The following PRKD1 variants were observed in gnomAD, a reference collection of about 807,000 sequenced individuals.
PRKD1 encodes the protein serine/threonine-protein kinase D1.
PRKD1 carries 63 observed loss-of-function variants against 95.9 expected under a neutral mutation model. The observed-to-expected ratio is 0.66, with a 90% CI of 0.54 to 0.81. The LOEUF is 0.81. Ranked by LOEUF, PRKD1 falls within the 30% of genes least tolerant of loss-of-function variation. The probability of loss-of-function intolerance (pLI) is 0.00; values close to 1 mark genes in which losing one functional copy is unlikely to be tolerated. For missense variants in PRKD1, 1,048 were observed against 1,165.3 expected (o/e 0.90, Z 1.47); for synonymous variants, 425 against 423.1 (o/e 1.00, Z -0.05).
At chr14:29,693,803 C>G (rs1884371601) in intron 2 of PRKD1, among the ~76,000 whole-genome samples, 2 of 152,122 alleles carry the variant, frequency 1.3e-5, no homozygotes, top group African/African-American at 4.8e-5. Flanking sequence ...AACATTATCA[C>G]TCACAGACTG....
intron 2 of PRKD1, among the ~76,000 whole-genome samples, chr14:29,695,415 G>C (rs551892415): frequency 9.8e-4 from 149 of 152,284 alleles, no homozygotes; most frequent in Non-Finnish European, 1.8e-3. Context: ...AGTTGATGCT[G>C]ACTTGGACCA....
intron 1 of PRKD1, among the ~76,000 whole-genome samples, chr14:29,872,256 G>A (rs1566647649): frequency 6.6e-6 from 1 of 152,084 alleles, no homozygotes; most frequent in Non-Finnish European, 1.5e-5. Flanking sequence ...ATACAATTCA[G>A]AAAAAATTTA....
intron 4 of PRKD1, among the ~76,000 whole-genome samples, chr14:29,659,185 T>C (rs1882058258): frequency 6.6e-6 from 1 of 152,212 alleles, no homozygotes; most frequent in African/African-American, 2.4e-5. Context: ...ACCTTAGTTT[T>C]ATTTTTAAGT....
chr14:29,696,102 C>T (rs1884500821), intron 2 of PRKD1, among the ~76,000 whole-genome samples: 1 of 152,130 alleles, frequency 6.6e-6, no homozygotes, highest in Non-Finnish European at 1.5e-5. Flanking sequence ...TAAAGCATTG[C>T]ATTTTCAGCA....
chr14:29,728,922 C>G (rs1439623788), intron 1 of PRKD1, among the ~76,000 whole-genome samples: 2 of 152,028 alleles, frequency 1.3e-5, no homozygotes, highest in African/African-American at 4.8e-5. Flanking sequence ...GTAGTGAGAG[C>G]CTTCCAATGT....
chr14:29,679,056 A>G (rs1049926882), intron 2 of PRKD1, among the ~76,000 whole-genome samples: 5 of 152,244 alleles, frequency 3.3e-5, no homozygotes, highest in African/African-American at 1.2e-4. Flanking sequence ...TGTCCTAGAC[A>G]AAAGTGATAA....
At chr14:29,902,352 T>C (rs935930068) in intron 1 of PRKD1, among the ~76,000 whole-genome samples, 19 of 151,760 alleles carry the variant, frequency 1.3e-4, no homozygotes, top group Non-Finnish European at 4.4e-5. Flanking sequence ...CTAGAAAAAA[T>C]AGGTAAAATA....
At chr14:29,732,001 G>C (rs1886463336) in intron 1 of PRKD1, among the ~76,000 whole-genome samples, 1 of 151,908 alleles carries the variant, frequency 6.6e-6, no homozygotes, top group Admixed American at 6.6e-5. Context: ...TGCCTGCCGA[G>C]TAGTTGGGAT....
intron 1 of PRKD1, among the ~76,000 whole-genome samples, chr14:29,794,295 A>G (rs1409009849): frequency 6.6e-6 from 1 of 151,746 alleles, no homozygotes; most frequent in African/African-American, 2.4e-5. Flanking sequence ...AAAATATGCA[A>G]TAATTATTAT....
chr14:29,837,011 T>A (rs45522238), intron 1 of PRKD1, among the ~76,000 whole-genome samples: 2,291 of 152,222 alleles, frequency 0.015, 56 homozygotes, highest in African/African-American at 0.047. Context: ...TTCTGATGAG[T>A]ATAGTTAAAA....
chr14:29,624,289 G>C (rs764881359), intron 12 of PRKD1, 31 bp from the exon 13 acceptor site: 1 of 1,483,780 alleles, frequency 6.7e-7, no homozygotes, highest in Admixed American at 1.8e-5. Context: ...GCATTAGTAA[G>C]TTATTAAATA....
At chr14:29,833,238 A>G (rs1485126030) in intron 1 of PRKD1, among the ~76,000 whole-genome samples, 3 of 151,974 alleles carry the variant, frequency 2.0e-5, no homozygotes, top group African/African-American at 7.2e-5. Context: ...GAATGAATAA[A>G]TAGTATGTTA....
chr14:29,866,646 G>A (rs1306213537), intron 1 of PRKD1, among the ~76,000 whole-genome samples: 1 of 152,162 alleles, frequency 6.6e-6, no homozygotes, highest in Non-Finnish European at 1.5e-5. Context: ...GGGCAGTGCA[G>A]AAAGAGGTGA....
At chr14:29,786,093 T>C (rs531231856) in intron 1 of PRKD1, among the ~76,000 whole-genome samples, 3 of 152,286 alleles carry the variant, frequency 2.0e-5, no homozygotes, top group African/African-American at 7.2e-5. Context: ...TCTGGATCTA[T>C]TGAGATGATT....
intron 1 of PRKD1, among the ~76,000 whole-genome samples, chr14:29,772,761 A>G (rs1480872220): frequency 6.6e-6 from 1 of 152,178 alleles, no homozygotes; most frequent in Non-Finnish European, 1.5e-5. Flanking sequence ...ATATCTCAGG[A>G]ATCTTAGCTT....
chr14:29,879,656 G>T (rs945312846), intron 1 of PRKD1, among the ~76,000 whole-genome samples: 1 of 152,174 alleles, frequency 6.6e-6, no homozygotes, highest in Non-Finnish European at 1.5e-5. Flanking sequence ...GGTTGGAACA[G>T]TTTGGAGGGC....
intron 1 of PRKD1, among the ~76,000 whole-genome samples, chr14:29,772,238 A>G (rs1465582955): frequency 1.3e-5 from 2 of 152,192 alleles, no homozygotes; most frequent in Admixed American, 6.5e-5. Context: ...TCTAAAATTC[A>G]TATGTTGAAA....
At chr14:29,644,039 C>T (rs144912420) in intron 4 of PRKD1, among the ~76,000 whole-genome samples, 1,988 of 152,150 alleles carry the variant, frequency 0.013, 24 homozygotes, top group Middle Eastern at 0.02. Flanking sequence ...GAACAAAGTC[C>T]GTGACAAACA....
At chr14:29,641,089 C>A (rs933997652) in intron 4 of PRKD1, among the ~76,000 whole-genome samples, 1 of 152,054 alleles carries the variant, frequency 6.6e-6, no homozygotes, top group Non-Finnish European at 1.5e-5. Context: ...TAAAAATATT[C>A]CAAGTTTAGG....
Sources: gnomAD v4.1 joint callset for allele counts (sites outside exome capture counted in the v4.1 genomes callset) on GRCh38, gnomAD v4.1.1 for gene constraint, MANE v1.5 for transcripts, NCBI Gene and HGNC (gene_info 2026-07-23, HGNC 2026-07-21) for gene names.